Variants in L1TD1 observed in about 807,000 individuals in gnomAD.
L1TD1 encodes the protein LINE1 type transposase domain containing 1, also known as LINE-1 type transposase domain-containing protein 1.
Under a neutral mutation model 25.7 loss-of-function variants are expected in L1TD1, and 26 were observed. The observed-to-expected ratio is 1.01, with a 90% CI of 0.74 to 1.40. The LOEUF is 1.40. Ranked by LOEUF, L1TD1 falls within the 40% of genes most tolerant of loss-of-function variation. The pLI is 0.00. For missense variants in L1TD1, 1,130 were observed against 975.0 expected, an observed-to-expected ratio of 1.16 and a Z score of -2.12; for synonymous variants, 421 against 335.6, an observed-to-expected ratio of 1.25 and a Z score of -2.78.
chr1:62,195,365 T>C (rs952806025), intron 1 of L1TD1, among the ~76,000 whole-genome samples: 15 of 152,352 alleles, frequency 9.8e-5, no homozygotes, highest in Admixed American at 8.5e-4. Context: ...TCCTAAGACT[T>C]ATCTATCCCC....
Position 62,211,459 on chromosome 1 carries a change from C to A in L1TD1, c.*87C>A, listed in dbSNP as rs958114229. On this transcript the variant is annotated 3_prime_UTR_variant, in exon 4 of 4. Coordinates refer to ENST00000498273, the MANE Select transcript of L1TD1 (RefSeq NM_019079.5). ...AGTAAAACGAAAATACACTTCTACC[C>A]AGAAGGATGGACAGCTAATAGCGTA... 1.3e-6 allele frequency: 2 copies of A among 1,508,476 alleles called. No individual in the cohort carries two copies. The highest frequency in any genetic ancestry group is 1.8e-6 in the Non-Finnish European group (2 of 1,136,282). 93.4% of individuals were successfully genotyped at this position (1,508,476 alleles called of 1,614,324 possible).
chr1:62,199,403 C>T (rs1004993363), intron 2 of L1TD1, among the ~76,000 whole-genome samples: 1 of 151,130 alleles, frequency 6.6e-6, no homozygotes, highest in African/African-American at 2.4e-5. Flanking sequence ...GAGGCTGAGG[C>T]GGGAGAATCG....
chr1:62,204,334 T>G (rs1670695305), intron 2 of L1TD1, among the ~76,000 whole-genome samples: 1 of 152,318 alleles, frequency 6.6e-6, no homozygotes, highest in East Asian at 1.9e-4. Context: ...ATTTTAAGTC[T>G]ATACATTTTC....
In L1TD1 at chr1:62,209,807, C is replaced by G; in HGVS notation, c.1033C>G (p.His345Asp). ...KRDKTLIDSK[H>D]RAGEITSDGL... ...GGATAAAACCCTAATAGACTCAAAG[C>G]ATAGAGCTGGAGAAATAACCAGTGA... Residue 345 changes from histidine (H) to aspartate (D), a missense_variant, in exon 4 of 4, where the codon CAT (histidine) becomes GAT (aspartate). Transcript: ENST00000498273. 1 of 1,601,880 alleles carries G rather than the reference C, an allele frequency of 6.2e-7. No individual in the cohort carries two copies. Among genetic ancestry groups the G allele is most frequent in the South Asian group, 1.1e-5 (1 of 89,508 alleles).
intron 2 of L1TD1, among the ~76,000 whole-genome samples, chr1:62,198,605 CAT>C (rs929994029): frequency 7.3e-5 from 11 of 151,624 alleles, no homozygotes; most frequent in African/African-American, 1.5e-4. Flanking sequence ...AGCAGATAAA[CAT>C]ATGAAAAGAT....
In L1TD1 at chr1:62,210,474, A is replaced by G; in HGVS notation, c.1700A>G (p.Asp567Gly). ...TCAAAGTCACTAGAGATGAGTCATGATGAGCATAAAAAGCATTCACATACA... is the reference window on the plus strand; with the variant it reads ...TCAAAGTCACTAGAGATGAGTCATGGTGAGCATAAAAAGCATTCACATACA... ...SPSKSLEMSH[D>G]EHKKHSHTNL... is the part of the protein sequence containing the mutation. The change falls in exon 4 of 4, where the codon GAT becomes GGT. Residue 567 changes from aspartate to glycine, a missense_variant. Coordinates refer to ENST00000498273, the MANE Select transcript of L1TD1 (RefSeq NM_019079.5). The G allele has an allele frequency of 6.2e-7, 1 of 1,614,206 alleles. No individual in the cohort carries two copies. The highest frequency in any genetic ancestry group is 8.5e-7 in the Non-Finnish European group (1 of 1,180,034).
At position 62,205,437 on chromosome 1, in the gene L1TD1, A is replaced by AT. The variant is rs1169759217; in HGVS notation, c.-110-1081dup. 5.4e-4 allele frequency among the ~76,000 whole-genome samples: 23 copies of AT among 42,454 alleles called. 3 individuals carry two copies. Among genetic ancestry groups the AT allele is most frequent in the African/African-American group, 1.2e-3 (13 of 10,830 alleles). 27.9% of individuals were successfully genotyped at this position (42,454 alleles called of 152,430 possible). ...TCTCTCTATATATATATATATATAT[A>AT]TATATATTTTTTTTTAGACAGTCTT... is the stretch of plus-strand genomic sequence containing the variant. On this transcript the variant is annotated intron_variant, in intron 2 of 3. Transcript: ENST00000498273.
chr1:62,204,061 C>T (rs116713004), intron 2 of L1TD1, among the ~76,000 whole-genome samples: 2,349 of 152,264 alleles, frequency 0.015, 36 homozygotes, highest in Non-Finnish European at 0.023. Context: ...TTGGGCACAG[C>T]TAAGATAATA....
In L1TD1 at chr1:62,210,852, T is replaced by C. The variant is rs938039434; in HGVS notation, c.2078T>C (p.Ile693Thr). 1.9e-5 allele frequency: 29 copies of C among 1,550,482 alleles called. No homozygotes were observed. The highest frequency in any genetic ancestry group is 1.4e-4 in the African/African-American group (10 of 72,956). The change falls in exon 4 of 4, where the codon ATA (isoleucine) becomes ACA (threonine). Residue 693 changes from isoleucine to threonine, a missense_variant. Physicochemically the swap from Ile to Thr is moderately conservative, Grantham distance 89 (BLOSUM62 -1). Coordinates refer to ENST00000498273, the MANE Select transcript of L1TD1 (RefSeq NM_019079.5). ...QIISKERQRDIEERSRSCNIR... is the reference protein window; with the variant it reads ...QIISKERQRDTEERSRSCNIR... Reference sequence around the variant, plus strand: ...ATTAGTAAAGAAAGGCAAAGAGATATAGAGGAGAGATCTAGAAGTTGCAAC... The same window carrying C: ...ATTAGTAAAGAAAGGCAAAGAGATACAGAGGAGAGATCTAGAAGTTGCAAC...
chr1:62,206,295 C>G (rs568685968), intron 2 of L1TD1, among the ~76,000 whole-genome samples: 74 of 152,198 alleles, frequency 4.9e-4, no homozygotes, highest in African/African-American at 1.7e-3. Context: ...GTTATCTGCT[C>G]TTTGGTTAAT....
intron 2 of L1TD1, among the ~76,000 whole-genome samples, chr1:62,199,629 G>C (rs1670605574): frequency 6.6e-6 from 1 of 152,162 alleles, no homozygotes. Context: ...TCAGGAGGCT[G>C]AGACAGGAGT....
Position 62,206,863 on chromosome 1 carries a change from G to T in L1TD1, c.235G>T (p.Ala79Ser), listed in dbSNP as rs1420434564. 1 of 1,613,180 alleles carries T rather than the reference G, an allele frequency of 6.2e-7. No individual in the cohort carries two copies. Among genetic ancestry groups the T allele is most frequent in the Non-Finnish European group, 8.5e-7 (1 of 1,179,678 alleles). ...MRETLKNDLK[A>S]VLGGKATIPE... Reference sequence around the variant, plus strand: ...GGAAACTCTTAAAAATGACCTAAAAGCAGTTTTAGGGGGAAAAGCTACAAT... The same window carrying T: ...GGAAACTCTTAAAAATGACCTAAAATCAGTTTTAGGGGGAAAAGCTACAAT... The change falls in exon 3 of 4, where the codon GCA becomes TCA. Residue 79 changes from alanine to serine, a missense_variant. Transcript: ENST00000498273.
Position 62,211,546 on chromosome 1 carries a change from T to TAA in L1TD1, c.*181_*182dup, listed in dbSNP as rs1260472550. On this transcript the variant is annotated 3_prime_UTR_variant, in exon 4 of 4. Transcript: ENST00000498273. ...CCTAGATGTTAATAAAGGGTATGTT[T>TAA]AAAAAAAATAGGCTGGTCTCAATGT... 1 of 1,072,372 alleles carries TAA rather than the reference T, an allele frequency of 9.3e-7. No individual in the cohort carries two copies. Among genetic ancestry groups the TAA allele is most frequent in the Non-Finnish European group, 1.3e-6 (1 of 790,394 alleles). 66.4% of individuals were successfully genotyped at this position (1,072,372 alleles called of 1,614,324 possible). A position where few individuals can be genotyped will look rare whatever the true frequency, so the allele number is the denominator to read the frequency against.
In L1TD1 at chr1:62,210,861, G is replaced by A. The variant is rs1195700337; in HGVS notation, c.2087G>A (p.Arg696Lys). 1.3e-6 allele frequency: 2 copies of A among 1,551,288 alleles called. No homozygotes were observed. Among genetic ancestry groups the A allele is most frequent in the South Asian group, 2.4e-5 (2 of 83,994 alleles). ...GAAAGGCAAAGAGATATAGAGGAGA[G>A]ATCTAGAAGTTGCAACATTCGTTTG... The part of the protein sequence containing the change: ...SKERQRDIEE[R>K]SRSCNIRLIG... Residue 696 changes from arginine to lysine, a missense_variant, in exon 4 of 4, where the codon AGA (arginine) becomes AAA (lysine). Arg to Lys is a conservative substitution (Grantham distance 26). Transcript: ENST00000498273.
intron 2 of L1TD1, among the ~76,000 whole-genome samples, chr1:62,200,725 T>A (rs1670625560): frequency 2.6e-5 from 4 of 152,036 alleles, no homozygotes. Flanking sequence ...TATGTATTAT[T>A]TCTGACTTTA....
chr1:62,202,541 CTTTTCT>C (rs1670660173), intron 2 of L1TD1, among the ~76,000 whole-genome samples: 4 of 89,200 alleles, frequency 4.5e-5, no homozygotes, highest in East Asian at 3.7e-4. Flanking sequence ...TTTTCTTTTT[CTTTTCT>C]TTTTTTTTTT....
At chr1:62,197,524 T>C (rs2149097886) in intron 2 of L1TD1, among the ~76,000 whole-genome samples, 1 of 151,488 alleles carries the variant, frequency 6.6e-6, no homozygotes, top group Non-Finnish European at 1.5e-5. Flanking sequence ...TTTTTAGAGA[T>C]GGTTTTGCTA....
intron 2 of L1TD1, among the ~76,000 whole-genome samples, chr1:62,204,682 G>A (rs981298441): frequency 2.0e-5 from 3 of 152,044 alleles, no homozygotes; most frequent in Non-Finnish European, 4.4e-5. Context: ...AGGATTACAG[G>A]TGTGGCACCG....
At chr1:62,204,436 AAT>A (rs1391089937) in intron 2 of L1TD1, among the ~76,000 whole-genome samples, 1 of 152,234 alleles carries the variant, frequency 6.6e-6, no homozygotes, top group Non-Finnish European at 1.5e-5. Flanking sequence ...AGTTTGACTG[AAT>A]AGTCATTTTA....
Sources: gnomAD v4.1 joint callset for allele counts (sites outside exome capture counted in the v4.1 genomes callset) on GRCh38, gnomAD v4.1.1 for gene constraint, MANE v1.5 for transcripts, NCBI Gene and HGNC (gene_info 2026-07-23, HGNC 2026-07-21) for gene names.